The following R3HDM4 variants were observed in gnomAD, a reference collection of about 807,000 sequenced individuals.
The protein encoded by R3HDM4 is R3H domain containing 4.
Under a neutral mutation model 31.3 loss-of-function variants are expected in R3HDM4, and 30 were observed. The observed-to-expected ratio is 0.96, with a 90% CI of 0.72 to 1.30. The LOEUF is 1.30. R3HDM4 is among the 50% of genes most tolerant of loss of function. The probability of loss-of-function intolerance (pLI) is 0.00; values close to 1 mark genes in which losing one functional copy is unlikely to be tolerated. For missense variants in R3HDM4, 444 were observed against 366.1 expected (o/e 1.21, Z -1.74); for synonymous variants, 196 against 156.6 (o/e 1.25, Z -1.88).
rs996728532 is a variant in R3HDM4 at position 901,098 on chromosome 19, G to C, written c.352-146C>G. 12 of 1,097,716 alleles carry C rather than the reference G, an allele frequency of 1.1e-5. No individual in the cohort carries two copies. In the East Asian group the frequency reaches 2.7e-4, roughly 24 times the overall value. 68.0% of individuals were successfully genotyped at this position (1,097,716 alleles called of 1,614,324 possible). On this transcript the variant is annotated intron_variant, in intron 3 of 7. Coordinates refer to ENST00000361574, the MANE Select transcript of R3HDM4 (RefSeq NM_138774.4). ...CCACTGAGGGGCCGCTGCTTGTGTC[G>C]GGCCCTGAGCTGAGCGCAGGGAAGC... is the stretch of plus-strand genomic sequence containing the variant.
At chr19:901,804 G>A in intron 2 of R3HDM4, 172 bp downstream of exon 2, 1 of 863,274 alleles carries the variant, frequency 1.2e-6, no homozygotes, top group Non-Finnish European at 1.8e-6. Context: ...AGTCCAGGGG[G>A]CGCCTGTGTC....
chr19:912,723 G>T (rs1343174389), intron 1 of R3HDM4, among the ~76,000 whole-genome samples: 9 of 135,572 alleles, frequency 6.6e-5, no homozygotes, highest in African/African-American at 2.8e-5. Context: ...CCAGTGCAGT[G>T]GGGGGGCGGA....
At position 900,112 on chromosome 19, in the gene R3HDM4, C is replaced by G. The variant is rs572633918; in HGVS notation, c.510G>C (p.Gln170His). 1 of 1,605,928 alleles carries G rather than the reference C, an allele frequency of 6.2e-7. No homozygotes were observed. The highest frequency in any genetic ancestry group is 2.2e-5 in the East Asian group (1 of 44,712). The change falls in exon 5 of 8, where the codon CAG becomes CAC. Residue 170 changes from glutamine to histidine, a missense_variant. By Grantham distance (24) the Gln-to-His change is conservative. Coordinates refer to ENST00000361574, the MANE Select transcript of R3HDM4 (RefSeq NM_138774.4). ...CGGCTCGCAGACGCCGGCTGATGCGCTGGAAGCACTCGCGGGGTGTATAGG... is the reference window on the plus strand; with the variant it reads ...CGGCTCGCAGACGCCGGCTGATGCGGTGGAAGCACTCGCGGGGTGTATAGG... Reference protein sequence around the residue: ...DPAYTPRECFQRISRRLRAVL... With the variant: ...DPAYTPRECFHRISRRLRAVL...
intron 7 of R3HDM4, among the ~76,000 whole-genome samples, chr19:898,339 A>T (rs1599355369): frequency 7.4e-6 from 1 of 134,922 alleles, no homozygotes; most frequent in Non-Finnish European, 1.5e-5. Context: ...CGGGAGGTGG[A>T]GCTTGCAGTG....
chr19:899,830 G>A lies in R3HDM4; in HGVS notation c.562-144C>T. 1 of 749,660 alleles carries A rather than the reference G, an allele frequency of 1.3e-6. No individual in the cohort carries two copies. The highest frequency in any genetic ancestry group is 2.1e-6 in the Non-Finnish European group (1 of 465,696). The allele number at this position is 749,660 out of a possible 1,614,324, so 46.4% of individuals were successfully genotyped here. A position where few individuals can be genotyped will look rare whatever the true frequency, so the allele number is the denominator to read the frequency against. ...GTGAGGCTGCTTAAGTGTCTCTGAG[G>A]CCACCATGCCACCTCCTGCCTGTGC... On this transcript the variant is annotated intron_variant, in intron 5 of 7. Coordinates refer to ENST00000361574, the MANE Select transcript of R3HDM4 (RefSeq NM_138774.4). This position sits in a 1 kb window ranked among gnomAD's most constrained non-coding sequence, Gnocchi z 6.8.
intron 1 of R3HDM4, among the ~76,000 whole-genome samples, chr19:906,248 C>T (rs1293407367): frequency 2.8e-5 from 4 of 141,592 alleles, no homozygotes; most frequent in South Asian, 4.4e-4. Context: ...GAGACAGAGT[C>T]TCGCTCTGTC....
At chr19:908,818 C>G (rs2036936745) in intron 1 of R3HDM4, among the ~76,000 whole-genome samples, 1 of 151,818 alleles carries the variant, frequency 6.6e-6, no homozygotes, top group Non-Finnish European at 1.5e-5. Flanking sequence ...CCAACCGGCC[C>G]CAGCCGGCCC....
chr19:903,745 C>A (rs1334588582), intron 1 of R3HDM4, among the ~76,000 whole-genome samples: 1 of 151,866 alleles, frequency 6.6e-6, no homozygotes, highest in African/African-American at 2.4e-5. Flanking sequence ...ACAACAAGAG[C>A]AAGACCGTGT....
intron 1 of R3HDM4, among the ~76,000 whole-genome samples, chr19:909,224 A>C (rs1005983054): frequency 1.3e-5 from 2 of 152,078 alleles, no homozygotes; most frequent in Non-Finnish European, 2.9e-5. Context: ...GGAACTGTGA[A>C]CCCTCAGTCC....
chr19:909,399 C>T lies in R3HDM4; in HGVS notation c.71+3688G>A, dbSNP rs563916521. ...GGCGGCCCCCAGCAGTCCCCAACCC[C>T]CCACCAGGACACAGCTGGCAGGTAA... On this transcript the variant is annotated intron_variant, in intron 1 of 7. Transcript: ENST00000361574. Among the ~76,000 whole-genome samples the T allele has an allele frequency of 1.9e-3, 291 of 152,232 alleles. 1 individual carries two copies. The highest frequency in any genetic ancestry group is 6.7e-3 in the African/African-American group (277 of 41,536).
chr19:899,233 C>G lies in R3HDM4; in HGVS notation c.703+207G>C, dbSNP rs921185969. Among the ~76,000 whole-genome samples the G allele has an allele frequency of 3.9e-5, 6 of 152,064 alleles. No homozygotes were observed. The highest frequency in any genetic ancestry group is 1.3e-4 in the Admixed American group (2 of 15,272). ...AGCAGCCTGGTTGTGTCTGCGGTCA[C>G]CCTGCGTGGGGCCGCATATGCAGGG... is the stretch of plus-strand genomic sequence containing the variant. On this transcript the variant is annotated intron_variant, in intron 7 of 7. Coordinates refer to ENST00000361574, the MANE Select transcript of R3HDM4 (RefSeq NM_138774.4). This position sits in a 1 kb window ranked among gnomAD's most constrained non-coding sequence, Gnocchi z 6.8.
chr19:909,096 A>G (rs889583828), intron 1 of R3HDM4, among the ~76,000 whole-genome samples: 2 of 152,220 alleles, frequency 1.3e-5, no homozygotes, highest in African/African-American at 4.8e-5. Flanking sequence ...TGGACCCTGA[A>G]GGCTCGAGGA....
chr19:902,493 A>C, intron 1 of R3HDM4: 1 of 198,902 alleles, frequency 5.0e-6, no homozygotes, highest in Non-Finnish European at 1.1e-5. Flanking sequence ...AATAATTAAA[A>C]AATTAACCGG....
chr19:910,821 T>A (rs2145304222), intron 1 of R3HDM4, among the ~76,000 whole-genome samples: 1 of 151,972 alleles, frequency 6.6e-6, no homozygotes, highest in Middle Eastern at 3.4e-3. Context: ...TAATAAATGA[T>A]CATTTAAAAA....
Position 900,103 on chromosome 19 carries a change from G to A in R3HDM4, c.519C>T (p.Ser173=). 6.2e-7 allele frequency: 1 copy of A among 1,606,854 alleles called. No individual in the cohort carries two copies. Among genetic ancestry groups the A allele is most frequent in the Non-Finnish European group, 8.5e-7 (1 of 1,177,164 alleles). The change falls in exon 5 of 8, where the codon AGC becomes AGT. Residue 173 remains serine, a synonymous_variant. Coordinates refer to ENST00000361574, the MANE Select transcript of R3HDM4 (RefSeq NM_138774.4). The part of the protein sequence containing the change: ...YTPRECFQRI[S]RRLRAVLKRS... The stretch of plus-strand genomic sequence containing the variant: ...GCTTGAGGACGGCTCGCAGACGCCG[G>A]CTGATGCGCTGGAAGCACTCGCGGG...
intron 1 of R3HDM4, among the ~76,000 whole-genome samples, chr19:912,867 GTA>G (rs1309690632): frequency 1.3e-5 from 2 of 151,794 alleles, no homozygotes; most frequent in African/African-American, 4.8e-5. Context: ...TCCCCGCTGA[GTA>G]ACAATGAAGA....
intron 1 of R3HDM4, among the ~76,000 whole-genome samples, chr19:906,638 G>C (rs1053467601): frequency 2.0e-5 from 3 of 152,058 alleles, no homozygotes; most frequent in Non-Finnish European, 4.4e-5. Flanking sequence ...CCACTTGCTT[G>C]TTTTCCTCCT....
At chr19:911,680 G>A (rs1045844028) in intron 1 of R3HDM4, among the ~76,000 whole-genome samples, 5 of 152,270 alleles carry the variant, frequency 3.3e-5, no homozygotes, top group African/African-American at 1.2e-4. Context: ...CGGAACACGC[G>A]CCGCCTCCTC....
rs1289714995 is a variant in R3HDM4 at position 901,958 on chromosome 19, C to T, written c.226+18G>A. The T allele has an allele frequency of 4.3e-6, 7 of 1,613,012 alleles. No homozygotes were observed. The highest frequency in any genetic ancestry group is 5.9e-6 in the Non-Finnish European group (7 of 1,179,944). On this transcript the variant is annotated intron_variant, in intron 2 of 7. Transcript: ENST00000361574. Reference sequence around the variant, plus strand: ...AGGCCCAGGAGCCCCCAGGAGGCGCCTCCCGACCCCTGCTCACTGTTCTCC... The same window carrying T: ...AGGCCCAGGAGCCCCCAGGAGGCGCTTCCCGACCCCTGCTCACTGTTCTCC...
Sources: allele counts gnomAD v4.1 joint callset (sites outside exome capture counted in the v4.1 genomes callset), GRCh38; gene constraint gnomAD v4.1.1; non-coding constraint Gnocchi (gnomAD v3.1); transcripts MANE v1.5; gene names NCBI Gene and HGNC (gene_info 2026-07-23, HGNC 2026-07-21).